Variants in SSBP2 observed in about 807,000 individuals in gnomAD.
SSBP2 encodes single-stranded DNA-binding protein 2.
A neutral mutation model predicts 61.8 loss-of-function variants in SSBP2; 17 were observed. The ratio of observed to expected loss-of-function variants is 0.28; its 90% CI spans 0.19 to 0.41. SSBP2 has a LOEUF of 0.41. Among genes scored for constraint, SSBP2 ranks in the 10% least tolerant of loss-of-function variants. The pLI, the probability that SSBP2 is intolerant of heterozygous loss-of-function variation, is 1.00. For synonymous variants in SSBP2, 139 were observed against 141.3 expected (o/e 0.98, Z 0.12); for missense variants, 310 against 458.7 (o/e 0.68, Z 2.96).
chr5:81,428,491 G>C (rs1762089844), intron 16 of SSBP2, 94 bp downstream of exon 16: 1 of 844,260 alleles, frequency 1.2e-6, no homozygotes, highest in African/African-American at 1.7e-5. Flanking sequence ...TTGAACTCTA[G>C]ATAAACAGCA....
chr5:81,547,966 G>C (rs529592504), intron 4 of SSBP2, among the ~76,000 whole-genome samples: 1 of 152,108 alleles, frequency 6.6e-6, no homozygotes, highest in Admixed American at 6.5e-5. Context: ...AAACTATTCT[G>C]TATGTTACTG....
At chr5:81,526,018 G>A (rs1278042799) in intron 4 of SSBP2, among the ~76,000 whole-genome samples, 1 of 151,956 alleles carries the variant, frequency 6.6e-6, no homozygotes, top group Non-Finnish European at 1.5e-5. Flanking sequence ...CCAGGAAGAA[G>A]GTCATCACTA....
intron 5 of SSBP2, among the ~76,000 whole-genome samples, chr5:81,512,066 T>G (rs892258277): frequency 6.6e-6 from 1 of 152,214 alleles, no homozygotes; most frequent in Non-Finnish European, 1.5e-5. Context: ...AAGTGCCTCT[T>G]AGAGACTTTC....
chr5:81,690,210 C>G (rs1016718935), intron 1 of SSBP2, among the ~76,000 whole-genome samples: 2 of 151,834 alleles, frequency 1.3e-5, no homozygotes, highest in African/African-American at 4.8e-5. Flanking sequence ...ATAAGACAAC[C>G]AGAAAACAAA....
chr5:81,702,825 C>T (rs576076516), intron 1 of SSBP2, among the ~76,000 whole-genome samples: 13 of 152,148 alleles, frequency 8.5e-5, no homozygotes, highest in African/African-American at 3.1e-4. Flanking sequence ...TGCCTTTAGC[C>T]AGCTAAGAGA....
At chr5:81,542,817 T>TTCTCTCTTTCTCTCTCTCTC (rs1771385445) in intron 4 of SSBP2, among the ~76,000 whole-genome samples, 1 of 106,724 alleles carries the variant, frequency 9.4e-6, no homozygotes, top group Non-Finnish European at 1.9e-5. Flanking sequence ...ATTTGACAGT[T>TTCTCTCTTTCTCTCTCTCTC]TCTCTCTCTC....
At chr5:81,430,889 G>GT (rs895248661) in intron 15 of SSBP2, among the ~76,000 whole-genome samples, 3 of 152,094 alleles carry the variant, frequency 2.0e-5, no homozygotes, top group African/African-American at 4.8e-5. Flanking sequence ...GGACAATTGG[G>GT]TTTTTTTGGT....
intron 1 of SSBP2, among the ~76,000 whole-genome samples, chr5:81,669,649 T>C (rs1674915031): frequency 6.6e-6 from 1 of 151,778 alleles, no homozygotes; most frequent in African/African-American, 2.4e-5. Flanking sequence ...CCACGGCCTG[T>C]TGGGGGATGG....
intron 4 of SSBP2, among the ~76,000 whole-genome samples, chr5:81,561,397 TAC>T (rs1308188344): frequency 1.3e-5 from 2 of 152,178 alleles, no homozygotes; most frequent in Non-Finnish European, 2.9e-5. Context: ...TCTGAAAAAA[TAC>T]AGTCTGCGCT....
intron 4 of SSBP2, among the ~76,000 whole-genome samples, chr5:81,584,998 T>C (rs1368868753): frequency 6.6e-6 from 1 of 152,150 alleles, no homozygotes; most frequent in Non-Finnish European, 1.5e-5. Flanking sequence ...GAGAAATACA[T>C]AATAGTCATA....
intron 10 of SSBP2, among the ~76,000 whole-genome samples, chr5:81,453,358 G>C (rs972285850): frequency 6.6e-6 from 1 of 151,976 alleles, no homozygotes; most frequent in East Asian, 1.9e-4. Context: ...TATGTGACTG[G>C]ATGAAAATCA....
chr5:81,727,393 T>C (rs1160254357), intron 1 of SSBP2, among the ~76,000 whole-genome samples: 2 of 152,014 alleles, frequency 1.3e-5, no homozygotes, highest in Non-Finnish European at 2.9e-5. Flanking sequence ...CTACTAAAAA[T>C]ACAAAGTTAG....
chr5:81,518,738 T>C (rs187505943), intron 4 of SSBP2, among the ~76,000 whole-genome samples: 157 of 152,240 alleles, frequency 1.0e-3, no homozygotes, highest in Non-Finnish European at 1.8e-3. Context: ...ATTTTGGCTA[T>C]TGGTTGAGGA....
At position 81,589,452 on chromosome 5, in the gene SSBP2, G is replaced by A. The variant is rs114832964; in HGVS notation, c.282+26021C>T. On this transcript the variant is annotated intron_variant, in intron 4 of 16. Transcript: ENST00000320672. ...CCACTTAATCTTGGTAAAAATAAAT[G>A]CTCTTTTCACCCAAAAAGTATGCAG... 7.5e-3 allele frequency among the ~76,000 whole-genome samples: 1,144 copies of A among 152,156 alleles called. 10 individuals are homozygous for A. The highest frequency in any genetic ancestry group is 0.025 in the African/African-American group (1,047 of 41,510).
chr5:81,506,465 A>T (rs1768187826), intron 5 of SSBP2, among the ~76,000 whole-genome samples: 1 of 152,162 alleles, frequency 6.6e-6, no homozygotes, highest in Non-Finnish European at 1.5e-5. Flanking sequence ...GAAGGATATA[A>T]CAAGTAATCT....
intron 4 of SSBP2, among the ~76,000 whole-genome samples, chr5:81,523,061 G>A (rs1561498143): frequency 6.6e-6 from 1 of 151,990 alleles, no homozygotes; most frequent in Non-Finnish European, 1.5e-5. Context: ...GCTGGTATTT[G>A]CCATGCAAAT....
chr5:81,701,345 T>C (rs1753970664), intron 1 of SSBP2, among the ~76,000 whole-genome samples: 1 of 152,020 alleles, frequency 6.6e-6, no homozygotes, highest in Non-Finnish European at 1.5e-5. Context: ...GCATCAAAGA[T>C]CACTGATCAT....
At chr5:81,740,922 C>T (rs1756975684) in intron 1 of SSBP2, among the ~76,000 whole-genome samples, 1 of 152,160 alleles carries the variant, frequency 6.6e-6, no homozygotes, top group African/African-American at 2.4e-5. Context: ...AACTTCTTAA[C>T]CTCTATTGCC....
intron 5 of SSBP2, among the ~76,000 whole-genome samples, chr5:81,504,029 T>C (rs576410253): frequency 2.0e-5 from 3 of 152,012 alleles, no homozygotes; most frequent in Non-Finnish European, 2.9e-5. Flanking sequence ...AAAATAAATA[T>C]TGGGTATCAG....
Sources: allele counts gnomAD v4.1 joint callset (sites outside exome capture counted in the v4.1 genomes callset), GRCh38; gene constraint gnomAD v4.1.1; transcripts MANE v1.5; gene names NCBI Gene and HGNC (gene_info 2026-07-23, HGNC 2026-07-21).